The following CCDC60 variants were observed in gnomAD, a reference collection of about 807,000 sequenced individuals.
CCDC60 encodes coiled-coil domain containing 60, also known as coiled-coil domain-containing protein 60.
In CCDC60, 54 loss-of-function variants were observed where a neutral mutation model predicts 63.5. The ratio of observed to expected loss-of-function variants is 0.85; its 90% CI spans 0.68 to 1.07. CCDC60 has a LOEUF of 1.07. Ranked by LOEUF, CCDC60 falls within the 50% of genes least tolerant of loss-of-function variation. The pLI, the probability that CCDC60 is intolerant of heterozygous loss-of-function variation, is 0.00. For missense variants in CCDC60, 651 were observed against 684.3 expected, an observed-to-expected ratio of 0.95 and a Z score of 0.54; for synonymous variants, 206 against 238.8, an observed-to-expected ratio of 0.86 and a Z score of 1.27.
chr12:119,342,857 C>T (rs1955546454), intron 1 of CCDC60, among the ~76,000 whole-genome samples: 1 of 152,146 alleles, frequency 6.6e-6, no homozygotes, highest in Non-Finnish European at 1.5e-5. Context: ...CTGTGACCCC[C>T]ATCTGTTTCA....
chr12:119,367,397 T>G (rs1052121947), intron 1 of CCDC60, among the ~76,000 whole-genome samples: 4 of 152,206 alleles, frequency 2.6e-5, no homozygotes, highest in South Asian at 2.1e-4. Context: ...CTCATAGCTT[T>G]CCTTCCCTAC....
intron 2 of CCDC60, among the ~76,000 whole-genome samples, chr12:119,436,230 C>G (rs142457627): frequency 4.0e-4 from 61 of 152,252 alleles, no homozygotes; most frequent in Admixed American, 1.2e-3. Flanking sequence ...ACAGCTAATT[C>G]TGCACTGGCC....
intron 1 of CCDC60, among the ~76,000 whole-genome samples, chr12:119,386,761 T>C (rs187448122): frequency 2.6e-5 from 4 of 152,156 alleles, no homozygotes; most frequent in Admixed American, 2.0e-4. Flanking sequence ...CTCAGAAAAA[T>C]GTAGGAGACA....
intron 2 of CCDC60, among the ~76,000 whole-genome samples, chr12:119,471,562 G>GA (rs1241513893): frequency 2.6e-5 from 4 of 152,160 alleles, no homozygotes; most frequent in Non-Finnish European, 1.5e-5. Context: ...AACATTTGTT[G>GA]AGTGATGGGA....
chr12:119,447,550 A>G (rs956681270), intron 2 of CCDC60, among the ~76,000 whole-genome samples: 3 of 152,100 alleles, frequency 2.0e-5, no homozygotes, highest in African/African-American at 4.8e-5. Context: ...CTGCTAATGC[A>G]TTTTTCTATA....
intron 2 of CCDC60, among the ~76,000 whole-genome samples, chr12:119,440,485 G>A (rs906209875): frequency 1.3e-5 from 2 of 152,116 alleles, no homozygotes; most frequent in African/African-American, 2.4e-5. Flanking sequence ...AGCTGAGATC[G>A]CGCCACTGCA....
chr12:119,437,345 C>T (rs891752376), intron 2 of CCDC60, among the ~76,000 whole-genome samples: 1 of 152,200 alleles, frequency 6.6e-6, no homozygotes, highest in African/African-American at 2.4e-5. Flanking sequence ...GATCACAGCA[C>T]TCTTTTATTC....
chr12:119,364,359 C>A (rs531759306), intron 1 of CCDC60, among the ~76,000 whole-genome samples: 1 of 152,160 alleles, frequency 6.6e-6, no homozygotes, highest in Non-Finnish European at 1.5e-5. Flanking sequence ...ACCTCTCATA[C>A]CCATTTGAAG....
intron 2 of CCDC60, among the ~76,000 whole-genome samples, chr12:119,442,752 AC>A (rs1244324000): frequency 6.6e-6 from 1 of 152,230 alleles, no homozygotes; most frequent in Non-Finnish European, 1.5e-5. Context: ...TATTTACCTA[AC>A]CAGTTTAAAT....
At position 119,410,481 on chromosome 12, in the gene CCDC60, A is replaced by G. The variant is rs1956576269; in HGVS notation, c.91-18202A>G. ...TCACCCCTAAGCTGATTTTGCCGAAATGGCTTCTCAACAGCATTACCAGCT... is the reference window on the plus strand; with the variant it reads ...TCACCCCTAAGCTGATTTTGCCGAAGTGGCTTCTCAACAGCATTACCAGCT... On this transcript the variant is annotated intron_variant, in intron 1 of 13. Coordinates refer to ENST00000327554, the MANE Select transcript of CCDC60 (RefSeq NM_178499.5). This position sits in a 1 kb window ranked among gnomAD's most constrained non-coding sequence, Gnocchi z 4.0. Among the ~76,000 whole-genome samples, 1 of 152,042 alleles carries G rather than the reference A, an allele frequency of 6.6e-6. No individual in the cohort carries two copies. Among genetic ancestry groups the G allele is most frequent in the Non-Finnish European group, 1.5e-5 (1 of 68,008 alleles).
At chr12:119,368,120 AAAGAAGG>A (rs148133083) in intron 1 of CCDC60, among the ~76,000 whole-genome samples, 3,490 of 144,190 alleles carry the variant, frequency 0.024, 52 homozygotes, top group Non-Finnish European at 0.039. Flanking sequence ...GAGGAGAAGG[AAAGAAGG>A]AAGAAGGAAG....
chr12:119,475,224 T>C (rs1951150268), intron 3 of CCDC60, among the ~76,000 whole-genome samples: 1 of 152,206 alleles, frequency 6.6e-6, no homozygotes, highest in South Asian at 2.1e-4. Flanking sequence ...ATGGCTCTTT[T>C]TTCAGGAGCT....
At position 119,488,782 on chromosome 12, in the gene CCDC60, G is replaced by T; in HGVS notation, c.473G>T (p.Cys158Phe). The change falls in exon 5 of 14, where the codon TGT becomes TTT. Residue 158 changes from cysteine (C) to phenylalanine (F), a missense_variant. Transcript: ENST00000327554. Reference sequence around the variant, plus strand: ...AGCGAGCCCCTCTTCCGCCAGCTCTGTGCTCTCCACTGGCTTCTGGAGGCC... The same window carrying T: ...AGCGAGCCCCTCTTCCGCCAGCTCTTTGCTCTCCACTGGCTTCTGGAGGCC... ...AHVEPLFRQL[C>F]ALHWLLEALT... 1 of 1,614,132 alleles carries T rather than the reference G, an allele frequency of 6.2e-7. No homozygotes were observed.
intron 2 of CCDC60, chr12:119,433,599 A>C: frequency 1.4e-6 from 1 of 702,306 alleles, no homozygotes; most frequent in Non-Finnish European, 2.6e-6. Flanking sequence ...CCCTGACCCC[A>C]TATCCCAGTA....
At chr12:119,401,709 A>G (rs1484154682) in intron 1 of CCDC60, among the ~76,000 whole-genome samples, 1 of 152,258 alleles carries the variant, frequency 6.6e-6, no homozygotes, top group Non-Finnish European at 1.5e-5. Context: ...GATATCCTCA[A>G]TAATGGATAT....
intron 1 of CCDC60, among the ~76,000 whole-genome samples, chr12:119,369,227 C>T (rs983164716): frequency 6.6e-6 from 1 of 152,064 alleles, no homozygotes; most frequent in African/African-American, 2.4e-5. Context: ...GAGAAGTAGC[C>T]ATATTTGGAG....
intron 7 of CCDC60, among the ~76,000 whole-genome samples, chr12:119,513,302 T>C (rs1952261882): frequency 6.6e-6 from 1 of 152,224 alleles, no homozygotes; most frequent in African/African-American, 2.4e-5. Flanking sequence ...AGTGTGTGCG[T>C]TTCCTACAGC....
At position 119,358,515 on chromosome 12, in the gene CCDC60, C is replaced by T. The variant is rs935017762; in HGVS notation, c.90+23249C>T. The stretch of plus-strand genomic sequence containing the variant: ...TTCTGTTCATTATAAATTACCCAGT[C>T]TCAAGTAGTCTGTTATAGCAGCACA... On this transcript the variant is annotated intron_variant, in intron 1 of 13. Transcript: ENST00000327554. 1.6e-4 allele frequency among the ~76,000 whole-genome samples: 25 copies of T among 152,156 alleles called. 1 individual carries two copies. Among genetic ancestry groups the T allele is most frequent in the African/African-American group, 5.8e-4 (24 of 41,426 alleles).
chr12:119,488,889 G>A lies in CCDC60; in HGVS notation c.557+23G>A, dbSNP rs750740055. On this transcript the variant is annotated intron_variant, in intron 5 of 13. Coordinates refer to ENST00000327554, the MANE Select transcript of CCDC60 (RefSeq NM_178499.5). ...AAAGTATGCCTCAGCCCTTCAACTT[G>A]TCTTAGACTAGCAGTAGGCTGGGCA... is the stretch of plus-strand genomic sequence containing the variant. 9 of 1,573,264 alleles carry A rather than the reference G, an allele frequency of 5.7e-6. No homozygotes were observed. In the African/African-American group the frequency reaches 1.2e-4, roughly 21 times the overall value.
Sources: gnomAD v4.1 joint callset for allele counts (sites outside exome capture counted in the v4.1 genomes callset) on GRCh38, gnomAD v4.1.1 for gene constraint, Gnocchi (gnomAD v3.1) non-coding constraint, MANE v1.5 for transcripts, NCBI Gene and HGNC (gene_info 2026-07-23, HGNC 2026-07-21) for gene names.